Variants in PCDHA8 observed in about 807,000 individuals in gnomAD.
PCDHA8 encodes the protein protocadherin alpha 8.
A neutral mutation model predicts 61.8 loss-of-function variants in PCDHA8; 53 were observed. The ratio of observed to expected loss-of-function variants is 0.86; its 90% confidence interval spans 0.69 to 1.08. The LOEUF is 1.08. Ranked by LOEUF, PCDHA8 falls within the 50% of genes least tolerant of loss-of-function variation. The pLI is 0.00. For synonymous variants in PCDHA8, 618 were observed against 556.6 expected, an observed-to-expected ratio of 1.11 and a Z score of -1.55; for missense variants, 1,293 against 1,245.0, an observed-to-expected ratio of 1.04 and a Z score of -0.58.
At chr5:140,991,298 ATTATC>A (rs1361844877) in intron 3 of PCDHA8, among the ~76,000 whole-genome samples, 1 of 152,170 alleles carries the variant, frequency 6.6e-6, no homozygotes, top group African/African-American at 2.4e-5. Flanking sequence ...ACACATTACT[ATTATC>A]TTGTCCCGCA....
chr5:140,963,117 AAG>A (rs1292385306), intron 1 of PCDHA8, among the ~76,000 whole-genome samples: 1 of 152,182 alleles, frequency 6.6e-6, no homozygotes, highest in African/African-American at 2.4e-5. Flanking sequence ...CTTATAATTA[AAG>A]AGATAATATT....
intron 1 of PCDHA8, chr5:140,967,872 A>G: frequency 1.2e-6 from 2 of 1,614,034 alleles, no homozygotes; most frequent in Non-Finnish European, 1.7e-6. Context: ...GTGCTCACGG[A>G]CCTGTATAGC....
chr5:140,954,297 C>G (rs1369831854), intron 1 of PCDHA8, among the ~76,000 whole-genome samples: 1 of 152,298 alleles, frequency 6.6e-6, no homozygotes, highest in African/African-American at 2.4e-5. Context: ...TGGGTACATA[C>G]CCAGTAATGG....
At chr5:140,870,100 T>G in intron 1 of PCDHA8, 3 of 1,613,914 alleles carry the variant, frequency 1.9e-6, no homozygotes, top group Non-Finnish European at 2.5e-6. Context: ...GGCAGGTCAC[T>G]GTACAGTCTG....
chr5:140,941,963 T>A (rs2093209364), intron 1 of PCDHA8, among the ~76,000 whole-genome samples: 1 of 152,230 alleles, frequency 6.6e-6, no homozygotes. Flanking sequence ...CAATAGTATC[T>A]TTACTTTCCC....
intron 3 of PCDHA8, among the ~76,000 whole-genome samples, chr5:140,982,824 GGTTT>G (rs74513655): frequency 0.037 from 5,640 of 152,044 alleles, 162 homozygotes; most frequent in Non-Finnish European, 0.055. Flanking sequence ...AAGTTTTTGG[GGTTT>G]GTTTGTTTGT....
At chr5:140,846,974 T>G (rs1257358967) in intron 1 of PCDHA8, among the ~76,000 whole-genome samples, 1 of 149,546 alleles carries the variant, frequency 6.7e-6, no homozygotes, top group Non-Finnish European at 1.5e-5. Context: ...GGTTTTAAAA[T>G]AAGTAAGTTC....
chr5:140,906,615 T>C (rs2072789527), intron 1 of PCDHA8, among the ~76,000 whole-genome samples: 1 of 152,226 alleles, frequency 6.6e-6, no homozygotes, highest in Admixed American at 6.5e-5. Context: ...TGTATTCCCT[T>C]TGCCTTCAGC....
rs1358693370 is a variant in PCDHA8, at chr5:140,846,736, G to C, written c.2394+3021G>C. 1.3e-5 allele frequency among the ~76,000 whole-genome samples: 2 copies of C among 149,142 alleles called. 1 individual carries two copies. Among genetic ancestry groups the C allele is most frequent in the Non-Finnish European group, 3.0e-5 (2 of 66,802 alleles). On this transcript the variant is annotated intron_variant, in intron 1 of 3. Coordinates refer to ENST00000531613, the MANE Select transcript of PCDHA8 (RefSeq NM_018911.3). ...ACCAGTCTTCATTAAACATTAAATA[G>C]GACCCTTACAGATCTCTAACAGCAT...
chr5:140,869,747 C>A (rs1554163400), intron 1 of PCDHA8: 1 of 1,613,276 alleles, frequency 6.2e-7, no homozygotes. Context: ...CTAACAGCTA[C>A]AGACGGGGGA....
At chr5:140,894,808 A>G (rs541905033) in intron 1 of PCDHA8, among the ~76,000 whole-genome samples, 2 of 152,096 alleles carry the variant, frequency 1.3e-5, no homozygotes, top group African/African-American at 4.8e-5. Flanking sequence ...AAATAATTTT[A>G]TATCAGATTT....
chr5:140,870,666 G>T (rs782557554), intron 1 of PCDHA8: 1 of 1,612,662 alleles, frequency 6.2e-7, no homozygotes, highest in Admixed American at 1.7e-5. Context: ...CGCTGCAGCC[G>T]TTGGACCACG....
intron 3 of PCDHA8, among the ~76,000 whole-genome samples, chr5:140,985,935 T>C (rs1563529145): frequency 6.6e-6 from 1 of 151,974 alleles, no homozygotes; most frequent in African/African-American, 2.4e-5. Context: ...GAGCCGGGGT[T>C]TCACTGTGTT....
intron 1 of PCDHA8, chr5:140,926,648 G>A (rs1319870606): frequency 2.5e-5 from 12 of 475,704 alleles, no homozygotes; most frequent in Non-Finnish European, 3.5e-6. Context: ...CACCCGGCCG[G>A]CTCCGCTTTC....
chr5:140,953,316 T>G (rs782746401), intron 1 of PCDHA8, among the ~76,000 whole-genome samples: 3 of 152,138 alleles, frequency 2.0e-5, no homozygotes, highest in Non-Finnish European at 2.9e-5. Flanking sequence ...TGGGAAGAAT[T>G]TGATCATAGA....
At chr5:140,850,666 C>G in intron 1 of PCDHA8, 1 of 1,598,434 alleles carries the variant, frequency 6.3e-7, no homozygotes, top group Non-Finnish European at 8.6e-7. Flanking sequence ...CTGCGGTGCT[C>G]GGCGATGCCC....
At chr5:140,898,100 G>C (rs1273803096) in intron 1 of PCDHA8, among the ~76,000 whole-genome samples, 2 of 152,132 alleles carry the variant, frequency 1.3e-5, no homozygotes, top group African/African-American at 4.8e-5. Flanking sequence ...CCCTTTGTCA[G>C]ATGAGTAGGT....
intron 1 of PCDHA8, among the ~76,000 whole-genome samples, chr5:140,908,509 A>G (rs1458307706): frequency 1.3e-5 from 2 of 152,116 alleles, no homozygotes; most frequent in Non-Finnish European, 2.9e-5. Flanking sequence ...TGACTTGATG[A>G]CCCATAGTCA....
Position 140,876,997 on chromosome 5 carries a change from T to G in PCDHA8, c.2394+33282T>G, listed in dbSNP as rs1024280391. 6.8e-6 allele frequency: 11 copies of G among 1,612,358 alleles called. No homozygotes were observed. The African/African-American group carries it at 1.1e-4, about 16-fold the overall frequency. On this transcript the variant is annotated intron_variant, in intron 1 of 3. Transcript: ENST00000531613. ...CGAGCACGCACTGTCGAGCTACGTG[T>G]CGGTGCACGCGGAGAGCGGCAAGGT...
Sources: gnomAD v4.1 joint callset for allele counts (sites outside exome capture counted in the v4.1 genomes callset) on GRCh38, gnomAD v4.1.1 for gene constraint, MANE v1.5 for transcripts, NCBI Gene and HGNC (gene_info 2026-07-23, HGNC 2026-07-21) for gene names.